The following FSTL5 variants were observed in gnomAD, a reference collection of about 807,000 sequenced individuals.
FSTL5 encodes follistatin-related protein 5.
FSTL5 carries 62 observed loss-of-function variants against 89.1 expected under a neutral mutation model. That is an observed-to-expected ratio of 0.70 (90% CI 0.57 to 0.86). The LOEUF is 0.86. FSTL5 is among the 40% of genes least tolerant of loss of function. The pLI, the probability that FSTL5 is intolerant of heterozygous loss-of-function variation, is 0.00. For missense variants in FSTL5, 1,057 were observed against 1,001.6 expected (o/e 1.06, Z -0.75); for synonymous variants, 383 against 346.2 (o/e 1.11, Z -1.18).
chr4:161,552,659 G>GA (rs1259612584), intron 8 of FSTL5: 1 of 151,588 alleles, frequency 6.6e-6, no homozygotes, highest in Non-Finnish European at 1.5e-5. Context: ...TTATATATAT[G>GA]AAAAAATAAT....
At chr4:161,687,447 T>C (rs1275769454) in intron 6 of FSTL5, among the ~76,000 whole-genome samples, 1 of 152,248 alleles carries the variant, frequency 6.6e-6, no homozygotes, top group African/African-American at 2.4e-5. Context: ...ATGTATCTTT[T>C]TAAATTTATT....
At chr4:161,493,171 G>T (rs1729942327) in intron 12 of FSTL5, among the ~76,000 whole-genome samples, 1 of 151,500 alleles carries the variant, frequency 6.6e-6, no homozygotes, top group Non-Finnish European at 1.5e-5. Flanking sequence ...AAAAGATAAA[G>T]ATTTAATCAT....
intron 15 of FSTL5, among the ~76,000 whole-genome samples, chr4:161,393,849 G>C (rs1578939675): frequency 6.6e-6 from 1 of 152,108 alleles, no homozygotes. Context: ...AGCCAATGGT[G>C]GGGGCTAGTA....
At chr4:162,004,056 G>C (rs1650940682) in intron 3 of FSTL5, among the ~76,000 whole-genome samples, 1 of 152,004 alleles carries the variant, frequency 6.6e-6, no homozygotes, top group African/African-American at 2.4e-5. Context: ...TAATACGGCA[G>C]GTTAAGCAAC....
At chr4:161,505,086 C>A (rs116547017) in intron 11 of FSTL5, among the ~76,000 whole-genome samples, 1 of 152,166 alleles carries the variant, frequency 6.6e-6, no homozygotes, top group Non-Finnish European at 1.5e-5. Context: ...CAGAATCCTT[C>A]ATTTGTTGAT....
intron 7 of FSTL5, among the ~76,000 whole-genome samples, chr4:161,602,326 C>T (rs114114869): frequency 0.011 from 1,684 of 149,222 alleles, 37 homozygotes; most frequent in African/African-American, 0.04. Context: ...GAAGACTTAT[C>T]AGTAGTCCTG....
intron 3 of FSTL5, among the ~76,000 whole-genome samples, chr4:161,980,511 T>C (rs906736238): frequency 1.3e-5 from 2 of 152,018 alleles, no homozygotes; most frequent in South Asian, 4.1e-4. Flanking sequence ...TCTCTTTCCT[T>C]ATTGTAATTC....
At chr4:162,118,380 C>T (rs1182811232) in intron 1 of FSTL5, among the ~76,000 whole-genome samples, 1 of 152,174 alleles carries the variant, frequency 6.6e-6, no homozygotes, top group Non-Finnish European at 1.5e-5. Context: ...CCTGCCTCTG[C>T]CTCCTGAGTA....
At chr4:161,553,264 T>A (rs1341508632) in intron 8 of FSTL5, among the ~76,000 whole-genome samples, 2 of 151,372 alleles carry the variant, frequency 1.3e-5, no homozygotes, top group African/African-American at 4.8e-5. Context: ...CATCAAATAA[T>A]TTATTATGTA....
chr4:161,821,805 A>AC (rs1730504998), intron 4 of FSTL5, among the ~76,000 whole-genome samples: 3 of 152,100 alleles, frequency 2.0e-5, no homozygotes. Context: ...ATATATGAAT[A>AC]CCACAATTTC....
chr4:161,599,827 A>G (rs1734161888), intron 7 of FSTL5, among the ~76,000 whole-genome samples: 1 of 152,048 alleles, frequency 6.6e-6, no homozygotes, highest in Non-Finnish European at 1.5e-5. Flanking sequence ...TGTTATTTAT[A>G]ATTTGTATTC....
chr4:161,449,445 G>A (rs61354069), intron 15 of FSTL5, among the ~76,000 whole-genome samples: 79,356 of 152,056 alleles, frequency 0.52, 21,127 homozygotes, highest in East Asian at 0.81. Flanking sequence ...TTTGGGTTGG[G>A]GGGGATAGTT....
chr4:161,616,905 G>A (rs183819684), intron 7 of FSTL5, among the ~76,000 whole-genome samples: 3 of 150,340 alleles, frequency 2.0e-5, no homozygotes, highest in South Asian at 2.1e-4. Flanking sequence ...TAACTATAAC[G>A]TATAATTCTT....
intron 7 of FSTL5, among the ~76,000 whole-genome samples, chr4:161,626,273 C>G (rs1433948746): frequency 6.6e-6 from 1 of 152,136 alleles, no homozygotes; most frequent in African/African-American, 2.4e-5. Context: ...CAGGCCGATT[C>G]TCTTGTTAAG....
At chr4:161,908,595 A>T (rs1421137645) in intron 4 of FSTL5, among the ~76,000 whole-genome samples, 1 of 152,084 alleles carries the variant, frequency 6.6e-6, no homozygotes, top group Non-Finnish European at 1.5e-5. Context: ...AACACCAATG[A>T]CCCTACAAAT....
At chr4:161,765,213 T>C (rs1740950554) in intron 5 of FSTL5, among the ~76,000 whole-genome samples, 2 of 152,218 alleles carry the variant, frequency 1.3e-5, no homozygotes, top group Non-Finnish European at 2.9e-5. Flanking sequence ...CATTCTGCTC[T>C]AAGGGATGAT....
At chr4:162,141,879 G>A (rs1171679973) in intron 1 of FSTL5, among the ~76,000 whole-genome samples, 3 of 146,734 alleles carry the variant, frequency 2.0e-5, no homozygotes, top group Non-Finnish European at 4.6e-5. Flanking sequence ...GTAGAAAGAA[G>A]TGTACACAGG....
At chr4:161,667,642 T>C (rs1736949667) in intron 6 of FSTL5, among the ~76,000 whole-genome samples, 1 of 152,072 alleles carries the variant, frequency 6.6e-6, no homozygotes, top group Non-Finnish European at 1.5e-5. Flanking sequence ...TTGCTAAGGA[T>C]TTTTCAAAGT....
At chr4:161,760,946 T>C (rs1449740581) in intron 5 of FSTL5, among the ~76,000 whole-genome samples, 1 of 152,200 alleles carries the variant, frequency 6.6e-6, no homozygotes, top group Non-Finnish European at 1.5e-5. Flanking sequence ...GCTAAGCATC[T>C]GGGTCACTGG....
Sources: gnomAD v4.1 joint callset for allele counts (sites outside exome capture counted in the v4.1 genomes callset) on GRCh38, gnomAD v4.1.1 for gene constraint, MANE v1.5 for transcripts, NCBI Gene and HGNC (gene_info 2026-07-23, HGNC 2026-07-21) for gene names.